The following TMEM132B variants were observed in gnomAD, a reference collection of about 807,000 sequenced individuals.
The protein encoded by TMEM132B is transmembrane protein 132B.
A neutral mutation model predicts 90.8 loss-of-function variants in TMEM132B; 18 were observed. The ratio of observed to expected loss-of-function variants is 0.20; its 90% CI spans 0.14 to 0.29. The LOEUF is 0.29. Among genes scored for constraint, TMEM132B ranks in the 10% least tolerant of loss-of-function variants. The probability of loss-of-function intolerance (pLI) is 1.00; values close to 1 mark genes in which losing one functional copy is unlikely to be tolerated. For synonymous variants in TMEM132B, 504 were observed against 523.3 expected, an observed-to-expected ratio of 0.96 and a Z score of 0.50; for missense variants, 1,096 against 1,326.8, an observed-to-expected ratio of 0.83 and a Z score of 2.70.
At chr12:125,196,495 G>T (rs1465894507) in intron 1 of TMEM132B, among the ~76,000 whole-genome samples, 2 of 152,154 alleles carry the variant, frequency 1.3e-5, no homozygotes. Flanking sequence ...ATCACATTAG[G>T]CCAGGAATTC....
intron 1 of TMEM132B, among the ~76,000 whole-genome samples, chr12:125,262,405 G>A (rs1056921824): frequency 3.3e-5 from 5 of 152,200 alleles, no homozygotes; most frequent in African/African-American, 1.2e-4. Context: ...AAAAAAAAAT[G>A]GACTATTGCT....
intron 1 of TMEM132B, among the ~76,000 whole-genome samples, chr12:125,339,951 T>C (rs906970713): frequency 1.3e-5 from 2 of 152,234 alleles, no homozygotes; most frequent in Admixed American, 6.5e-5. Flanking sequence ...AACTGTATTG[T>C]AAATCCACAT....
At chr12:125,643,960 G>T in intron 5 of TMEM132B, 116 bp from the exon 6 acceptor site, 1 of 850,030 alleles carries the variant, frequency 1.2e-6, no homozygotes, top group Non-Finnish European at 1.9e-6. Flanking sequence ...TGTTCATTGG[G>T]TTGTTTTGGT....
In TMEM132B at chr12:125,630,765, A is replaced by G. The variant is rs138996874; in HGVS notation, c.1438-13311A>G. On this transcript the variant is annotated intron_variant, in intron 5 of 8. Coordinates refer to ENST00000682704, the MANE Select transcript of TMEM132B (RefSeq NM_001366854.1). ...CATCCTCCATCCTCAATTAGGCCCC[A>G]CTGTCTGTTGTTCCCTTCTTTGCGT... Among the ~76,000 whole-genome samples the G allele has an allele frequency of 1.3e-3, 199 of 151,910 alleles. 3 individuals carry two copies. The East Asian group carries it at 0.034, about 26-fold the overall frequency.
chr12:125,259,013 T>C (rs1874501734), intron 1 of TMEM132B, among the ~76,000 whole-genome samples: 1 of 152,074 alleles, frequency 6.6e-6, no homozygotes, highest in South Asian at 2.1e-4. Flanking sequence ...CATGGCCAGT[T>C]GGGATGGACG....
chr12:125,412,297 T>G (rs543870419), intron 2 of TMEM132B, among the ~76,000 whole-genome samples: 1 of 152,250 alleles, frequency 6.6e-6, no homozygotes, highest in Admixed American at 6.5e-5. Context: ...GAACCCTCCG[T>G]GGGTACGTGT....
chr12:125,431,589 C>T, intron 3 of TMEM132B, among the ~76,000 whole-genome samples: 1 of 152,124 alleles, frequency 6.6e-6, no homozygotes, highest in Non-Finnish European at 1.5e-5. Flanking sequence ...TGGGCCACGG[C>T]TGCTTTTCTT....
intron 1 of TMEM132B, among the ~76,000 whole-genome samples, chr12:125,271,429 G>A (rs1015993242): frequency 8.5e-5 from 13 of 152,164 alleles, no homozygotes; most frequent in African/African-American, 3.1e-4. Flanking sequence ...GTATGGTGGT[G>A]GAGAGGTGGA....
intron 2 of TMEM132B, among the ~76,000 whole-genome samples, chr12:125,366,824 T>C (rs1439047676): frequency 6.6e-6 from 1 of 152,216 alleles, no homozygotes; most frequent in Non-Finnish European, 1.5e-5. Context: ...TCTATTATTA[T>C]CTAACAGGCC....
At chr12:125,255,409 A>C (rs1221805217) in intron 1 of TMEM132B, among the ~76,000 whole-genome samples, 1 of 152,134 alleles carries the variant, frequency 6.6e-6, no homozygotes, top group Non-Finnish European at 1.5e-5. Context: ...TGTAGGCTTT[A>C]GGCAATTATC....
intron 3 of TMEM132B, among the ~76,000 whole-genome samples, chr12:125,489,523 G>A (rs1015483944): frequency 1.3e-5 from 2 of 151,914 alleles, no homozygotes; most frequent in African/African-American, 2.4e-5. Flanking sequence ...TCCTGCCTTA[G>A]CCTCCACCAA....
At chr12:125,272,559 G>GA (rs1205747562) in intron 1 of TMEM132B, among the ~76,000 whole-genome samples, 1 of 152,028 alleles carries the variant, frequency 6.6e-6, no homozygotes, top group Non-Finnish European at 1.5e-5. Flanking sequence ...GAGCTCCTGA[G>GA]AGCTCTTGGA....
intron 4 of TMEM132B, among the ~76,000 whole-genome samples, chr12:125,532,784 G>A (rs970301121): frequency 6.6e-5 from 10 of 152,006 alleles, no homozygotes; most frequent in African/African-American, 2.4e-4. Context: ...CAAAGTGCTG[G>A]GATTACAGGC....
intron 2 of TMEM132B, among the ~76,000 whole-genome samples, chr12:125,396,591 C>T (rs994386254): frequency 6.6e-6 from 1 of 152,144 alleles, no homozygotes; most frequent in Non-Finnish European, 1.5e-5. Context: ...TGGCTCACTG[C>T]AGCCTTGACC....
intron 3 of TMEM132B, among the ~76,000 whole-genome samples, chr12:125,429,342 G>C (rs1425874165): frequency 2.0e-5 from 3 of 149,962 alleles, no homozygotes; most frequent in Non-Finnish European, 3.0e-5. Context: ...TGGGACTACA[G>C]GCATGCACCA....
chr12:125,241,592 C>T (rs1349019284), intron 1 of TMEM132B, among the ~76,000 whole-genome samples: 1 of 152,190 alleles, frequency 6.6e-6, no homozygotes, highest in African/African-American at 2.4e-5. Context: ...TTTCCAGCAT[C>T]ACCTTCTGTT....
intron 4 of TMEM132B, among the ~76,000 whole-genome samples, chr12:125,538,086 C>A (rs1883858718): frequency 1.3e-5 from 2 of 152,212 alleles, no homozygotes; most frequent in Admixed American, 6.5e-5. Context: ...TGTGCTTCGG[C>A]AGCTGAAAGC....
chr12:125,215,021 C>G (rs1471411814), intron 1 of TMEM132B, among the ~76,000 whole-genome samples: 1 of 152,230 alleles, frequency 6.6e-6, no homozygotes, highest in Non-Finnish European at 1.5e-5. Flanking sequence ...TAACACCACT[C>G]TCTCCTTGTC....
intron 1 of TMEM132B, among the ~76,000 whole-genome samples, chr12:125,309,066 C>T (rs1876064036): frequency 1.3e-5 from 2 of 152,120 alleles, no homozygotes; most frequent in Admixed American, 1.3e-4. Flanking sequence ...AATATTCCAT[C>T]ATGTCATGAT....
Sources: gnomAD v4.1 joint callset for allele counts (sites outside exome capture counted in the v4.1 genomes callset) on GRCh38, gnomAD v4.1.1 for gene constraint, MANE v1.5 for transcripts, NCBI Gene and HGNC (gene_info 2026-07-23, HGNC 2026-07-21) for gene names.